Variants in SCFD2 observed in about 807,000 individuals in gnomAD.
SCFD2 encodes sec1 family domain-containing protein 2.
A neutral mutation model predicts 58.9 loss-of-function variants in SCFD2; 54 were observed. That is an observed-to-expected ratio of 0.92 (90% CI 0.74 to 1.15). The LOEUF (loss-of-function observed/expected upper bound fraction) is 1.15. SCFD2 is among the 50% of genes most tolerant of loss of function. The pLI, the probability that SCFD2 is intolerant of heterozygous loss-of-function variation, is 0.00. For synonymous variants in SCFD2, 321 were observed against 335.9 expected, an observed-to-expected ratio of 0.96 and a Z score of 0.49; for missense variants, 805 against 836.6, an observed-to-expected ratio of 0.96 and a Z score of 0.47.
chr4:52,983,844 T>G (rs1721431279), intron 5 of SCFD2, among the ~76,000 whole-genome samples: 1 of 152,198 alleles, frequency 6.6e-6, no homozygotes, highest in Non-Finnish European at 1.5e-5. Flanking sequence ...AAAAGAAACA[T>G]TTATATTTGT....
intron 4 of SCFD2, among the ~76,000 whole-genome samples, chr4:53,180,352 C>A (rs983537177): frequency 6.6e-6 from 1 of 152,270 alleles, no homozygotes; most frequent in East Asian, 1.9e-4. Flanking sequence ...GAAACTCACT[C>A]AAAACCGCTC....
intron 3 of SCFD2, among the ~76,000 whole-genome samples, chr4:53,278,006 T>A (rs1474679531): frequency 7.0e-6 from 1 of 143,838 alleles, no homozygotes; most frequent in Non-Finnish European, 1.5e-5. Context: ...TAAGCGGAGA[T>A]CCGGCCACTG....
At chr4:53,115,903 T>C (rs2148888191) in intron 5 of SCFD2, among the ~76,000 whole-genome samples, 1 of 152,288 alleles carries the variant, frequency 6.6e-6, no homozygotes, top group South Asian at 2.1e-4. Context: ...ACCTATGCTG[T>C]TTTAATTTGC....
intron 4 of SCFD2, among the ~76,000 whole-genome samples, chr4:53,236,416 T>C (rs895660940): frequency 1.3e-5 from 2 of 149,100 alleles, no homozygotes; most frequent in African/African-American, 5.0e-5. Context: ...ATATATGATA[T>C]ATTTATTAGG....
intron 5 of SCFD2, among the ~76,000 whole-genome samples, chr4:53,098,530 T>G (rs986401594): frequency 3.3e-5 from 5 of 152,160 alleles, no homozygotes; most frequent in African/African-American, 1.2e-4. Flanking sequence ...TCTCTGACGG[T>G]AGTTTGTATT....
chr4:52,977,611 C>T (rs1198515081), intron 5 of SCFD2, among the ~76,000 whole-genome samples: 1 of 152,132 alleles, frequency 6.6e-6, no homozygotes, highest in Non-Finnish European at 1.5e-5. Flanking sequence ...TTATTCTATT[C>T]AGTTAAAAAT....
intron 8 of SCFD2, among the ~76,000 whole-genome samples, chr4:52,880,421 G>T (rs575087119): frequency 6.6e-6 from 1 of 151,810 alleles, no homozygotes; most frequent in African/African-American, 2.4e-5. Context: ...TTCAAGACCA[G>T]CCTGGCCAAC....
chr4:53,225,335 GT>G (rs887480977), intron 4 of SCFD2, among the ~76,000 whole-genome samples: 1 of 151,980 alleles, frequency 6.6e-6, no homozygotes, highest in South Asian at 2.1e-4. Flanking sequence ...ATTGTTTGGG[GT>G]TTTTTATTAC....
intron 5 of SCFD2, among the ~76,000 whole-genome samples, chr4:52,946,600 C>G (rs1436251915): frequency 6.6e-6 from 1 of 152,134 alleles, no homozygotes; most frequent in Non-Finnish European, 1.5e-5. Context: ...CATAAACAAT[C>G]ACTATGTTTT....
At chr4:52,976,011 T>G (rs976466330) in intron 5 of SCFD2, among the ~76,000 whole-genome samples, 26 of 100,358 alleles carry the variant, frequency 2.6e-4, no homozygotes, top group African/African-American at 9.6e-4. Flanking sequence ...CATCACACAC[T>G]GGGGCCTGTT....
intron 2 of SCFD2, among the ~76,000 whole-genome samples, chr4:53,335,700 T>A (rs2149138958): frequency 6.6e-6 from 1 of 152,248 alleles, no homozygotes; most frequent in African/African-American, 2.4e-5. Context: ...TTTTTGTATG[T>A]TTAGAATTAT....
intron 4 of SCFD2, among the ~76,000 whole-genome samples, chr4:53,211,241 G>GAAAAA (rs55830697): frequency 9.9e-5 from 14 of 142,012 alleles, no homozygotes; most frequent in Admixed American, 2.1e-4. Flanking sequence ...GACTCCATGT[G>GAAAAA]AAAAAAAAAA....
At chr4:52,944,982 T>C (rs574211159) in intron 5 of SCFD2, among the ~76,000 whole-genome samples, 2 of 152,328 alleles carry the variant, frequency 1.3e-5, no homozygotes, top group African/African-American at 2.4e-5. Flanking sequence ...TAATATGCAG[T>C]CACTAAAAAA....
At chr4:52,931,346 G>A (rs1456120839) in intron 5 of SCFD2, among the ~76,000 whole-genome samples, 2 of 152,144 alleles carry the variant, frequency 1.3e-5, no homozygotes, top group Non-Finnish European at 2.9e-5. Flanking sequence ...TAGAGCCTGG[G>A]GAGCTATGCT....
chr4:52,983,534 C>T (rs909396924), intron 5 of SCFD2, among the ~76,000 whole-genome samples: 6 of 152,130 alleles, frequency 3.9e-5, no homozygotes, highest in African/African-American at 1.4e-4. Flanking sequence ...TTACAATATA[C>T]TTAAATAAAA....
intron 7 of SCFD2, among the ~76,000 whole-genome samples, chr4:52,897,899 G>A (rs1012001990): frequency 4.6e-5 from 7 of 152,158 alleles, no homozygotes; most frequent in East Asian, 1.9e-4. Flanking sequence ...TGTATGTGTC[G>A]AGGAATTTAT....
chr4:53,061,072 A>G (rs1723495112), intron 5 of SCFD2, among the ~76,000 whole-genome samples: 2 of 152,190 alleles, frequency 1.3e-5, no homozygotes, highest in South Asian at 4.1e-4. Flanking sequence ...ACACATACAT[A>G]ATAGAAATAT....
chr4:53,063,611 T>G (rs1249832261), intron 5 of SCFD2, among the ~76,000 whole-genome samples: 1 of 152,016 alleles, frequency 6.6e-6, no homozygotes, highest in Non-Finnish European at 1.5e-5. Flanking sequence ...AACAGGGAAG[T>G]TAGGATTCAA....
intron 2 of SCFD2, among the ~76,000 whole-genome samples, chr4:53,339,205 G>C (rs1277928534): frequency 6.6e-6 from 1 of 151,976 alleles, no homozygotes; most frequent in African/African-American, 2.4e-5. Context: ...GAAATATTAA[G>C]ATGACTAAAT....
Sources: gnomAD v4.1 joint callset for allele counts (sites outside exome capture counted in the v4.1 genomes callset) on GRCh38, gnomAD v4.1.1 for gene constraint, MANE v1.5 for transcripts, NCBI Gene and HGNC (gene_info 2026-07-23, HGNC 2026-07-21) for gene names.